Variants in CYFIP1 observed in about 807,000 individuals in gnomAD.
CYFIP1 encodes the protein cytoplasmic FMR1-interacting protein 1.
In CYFIP1, 58 loss-of-function variants were observed where a neutral mutation model predicts 163.5. That is an observed-to-expected ratio of 0.35 (90% CI 0.29 to 0.44). The LOEUF (loss-of-function observed/expected upper bound fraction) is 0.44. CYFIP1 is among the 20% of genes least tolerant of loss of function. The probability of loss-of-function intolerance (pLI) is 1.00; values close to 1 mark genes in which losing one functional copy is unlikely to be tolerated. For missense variants in CYFIP1, 1,338 were observed against 1,653.8 expected (o/e 0.81, Z 3.31); for synonymous variants, 663 against 660.7 (o/e 1.00, Z -0.05).
intron 22 of CYFIP1, among the ~76,000 whole-genome samples, chr15:22,898,992 ACT>A (rs1330284539): frequency 6.6e-6 from 1 of 150,488 alleles, no homozygotes; most frequent in Admixed American, 6.6e-5. Flanking sequence ...ACAGCATGAG[ACT>A]CTGTCTAAAA....
At chr15:22,942,214 G>C (rs980815210) in intron 6 of CYFIP1, among the ~76,000 whole-genome samples, 3 of 152,200 alleles carry the variant, frequency 2.0e-5, no homozygotes, top group African/African-American at 7.2e-5. Context: ...TTTGTCCCAA[G>C]TGGGTTTTTA....
chr15:22,920,951 G>C (rs2061155778), intron 13 of CYFIP1, among the ~76,000 whole-genome samples: 1 of 152,142 alleles, frequency 6.6e-6, no homozygotes, highest in Non-Finnish European at 1.5e-5. Context: ...CAAGTTAACA[G>C]CAAACTGAGA....
intron 1 of CYFIP1, among the ~76,000 whole-genome samples, chr15:22,959,624 G>A (rs368049858): frequency 6.6e-6 from 1 of 152,194 alleles, no homozygotes; most frequent in African/African-American, 2.4e-5. Context: ...TTCTGGCTGG[G>A]GGCTCTCAGC....
At chr15:22,971,292 A>G (rs900077769) in intron 1 of CYFIP1, among the ~76,000 whole-genome samples, 8 of 152,120 alleles carry the variant, frequency 5.3e-5, no homozygotes, top group African/African-American at 1.4e-4. Flanking sequence ...TAATCCCAAC[A>G]CTTTGTGAGG....
At chr15:22,966,807 G>A (rs567024816) in intron 1 of CYFIP1, among the ~76,000 whole-genome samples, 39 of 151,712 alleles carry the variant, frequency 2.6e-4, no homozygotes, top group African/African-American at 8.7e-4. Flanking sequence ...AAGACCCCAC[G>A]ATGAGCAGCA....
chr15:22,910,913 C>G, intron 18 of CYFIP1, 100 bp from the exon 19 acceptor site: 1 of 1,040,484 alleles, frequency 9.6e-7, no homozygotes, highest in Admixed American at 2.0e-5. Context: ...CTAACTGAGG[C>G]TCTTTTATTT....
At chr15:22,875,396 TG>T in intron 26 of CYFIP1, 125 bp from the exon 27 acceptor site, 1 of 830,024 alleles carries the variant, frequency 1.2e-6, no homozygotes, top group Non-Finnish European at 2.0e-6. Flanking sequence ...ATTTTATCTC[TG>T]TCAAGAGATT....
chr15:22,912,338 T>G, intron 17 of CYFIP1, 63 bp from the exon 18 acceptor site: 1 of 1,260,366 alleles, frequency 7.9e-7, no homozygotes, highest in Admixed American at 2.3e-5. Context: ...TCCGACAGCC[T>G]CGCCCCACCT....
chr15:22,956,599 A>C (rs754687549), intron 1 of CYFIP1, among the ~76,000 whole-genome samples: 5 of 152,098 alleles, frequency 3.3e-5, no homozygotes, highest in African/African-American at 4.8e-5. Flanking sequence ...AAGGAGTCAA[A>C]CAAGTCAGGG....
chr15:22,907,405 C>T (rs1033174222), intron 21 of CYFIP1, among the ~76,000 whole-genome samples: 8 of 152,136 alleles, frequency 5.3e-5, no homozygotes, highest in Non-Finnish European at 8.8e-5. Context: ...CTGGCACAAA[C>T]GATCGGCCTT....
intron 12 of CYFIP1, among the ~76,000 whole-genome samples, chr15:22,926,961 T>G (rs1413761495): frequency 6.6e-6 from 1 of 152,212 alleles, no homozygotes; most frequent in Admixed American, 6.5e-5. Flanking sequence ...TGTATTAAAT[T>G]ATCACATGTA....
rs530186401 is a variant in CYFIP1, at chr15:22,916,792, A to G, written c.1675-162T>C. 1.5e-5 allele frequency: 24 copies of G among 1,581,330 alleles called. No individual in the cohort carries two copies. The African/African-American group carries it at 3.0e-4, about 20-fold the overall frequency. On this transcript the variant is annotated intron_variant, in intron 15 of 30. Coordinates refer to ENST00000617928, the MANE Select transcript of CYFIP1 (RefSeq NM_014608.6). ...GGTCCGGGTGCCTGTCTACGCGGCC[A>G]CGTTGCTGCTGCTTTGGGGAAAGAA...
At chr15:22,941,945 G>T (rs1000864745) in intron 6 of CYFIP1, among the ~76,000 whole-genome samples, 1 of 152,252 alleles carries the variant, frequency 6.6e-6, no homozygotes, top group South Asian at 2.1e-4. Flanking sequence ...TGGATTGGGC[G>T]GCTGGGACCA....
chr15:22,964,855 C>A (rs775212092), intron 1 of CYFIP1, among the ~76,000 whole-genome samples: 3 of 152,136 alleles, frequency 2.0e-5, no homozygotes, highest in Non-Finnish European at 4.4e-5. Context: ...TTATTTGCAG[C>A]GACCCTCATT....
intron 1 of CYFIP1, among the ~76,000 whole-genome samples, chr15:22,965,554 G>C (rs899499054): frequency 6.6e-6 from 1 of 152,086 alleles, no homozygotes; most frequent in African/African-American, 2.4e-5. Context: ...CGTGCAGCAG[G>C]CAGTACCATC....
intron 17 of CYFIP1, among the ~76,000 whole-genome samples, chr15:22,914,099 G>C (rs2060886924): frequency 6.6e-6 from 1 of 152,136 alleles, no homozygotes; most frequent in South Asian, 2.1e-4. Context: ...CTGATCCCCA[G>C]AACAAAGCTG....
intron 1 of CYFIP1, among the ~76,000 whole-genome samples, chr15:22,976,741 A>C (rs977956072): frequency 1.3e-5 from 2 of 152,178 alleles, no homozygotes; most frequent in African/African-American, 4.8e-5. Context: ...AGGGAAAAAA[A>C]CCACAGTACA....
At chr15:22,935,326 T>C (rs953757527) in intron 9 of CYFIP1, among the ~76,000 whole-genome samples, 2 of 152,134 alleles carry the variant, frequency 1.3e-5, no homozygotes, top group Admixed American at 6.6e-5. Context: ...TGCAGAACAA[T>C]GGGCTTTGCA....
chr15:22,935,836 T>G (rs952092332), intron 9 of CYFIP1, among the ~76,000 whole-genome samples: 1 of 152,208 alleles, frequency 6.6e-6, no homozygotes, highest in Admixed American at 6.5e-5. Flanking sequence ...TAAATTAGCT[T>G]GAATTCATCA....
Sources: gnomAD v4.1 joint callset for allele counts (sites outside exome capture counted in the v4.1 genomes callset) on GRCh38, gnomAD v4.1.1 for gene constraint, MANE v1.5 for transcripts, NCBI Gene and HGNC (gene_info 2026-07-23, HGNC 2026-07-21) for gene names.